Variants in LCP2 observed in about 807,000 individuals in gnomAD.
LCP2 encodes lymphocyte cytosolic protein 2.
Under a neutral mutation model 74.5 loss-of-function variants are expected in LCP2, and 29 were observed. That is an observed-to-expected ratio of 0.39 (90% CI 0.29 to 0.53). LCP2 has a LOEUF of 0.53. LCP2 is among the 20% of genes least tolerant of loss of function. The pLI, the probability that LCP2 is intolerant of heterozygous loss-of-function variation, is 0.72. For synonymous variants in LCP2, 228 were observed against 229.5 expected, an observed-to-expected ratio of 0.99 and a Z score of 0.06; for missense variants, 604 against 634.6, an observed-to-expected ratio of 0.95 and a Z score of 0.52.
intron 3 of LCP2, among the ~76,000 whole-genome samples, chr5:170,282,901 A>G (rs1327557582): frequency 6.6e-6 from 1 of 152,210 alleles, no homozygotes; most frequent in Admixed American, 6.5e-5. Context: ...CCCAAATAGT[A>G]GCACTTAAAA....
chr5:170,265,246 C>T (rs1051560058), intron 10 of LCP2, among the ~76,000 whole-genome samples: 4 of 152,214 alleles, frequency 2.6e-5, no homozygotes, highest in African/African-American at 9.6e-5. Flanking sequence ...CTCAGCCTCC[C>T]AAAGTGCTGG....
In LCP2 at chr5:170,270,182, G is replaced by A. The variant is rs2113179637; in HGVS notation, c.523+537C>T. ...CCTGGGCTCCCAGCAGATCAACAATGTTTGTTGAATGAATGGAGAGAGAAG... is the reference window on the plus strand; with the variant it reads ...CCTGGGCTCCCAGCAGATCAACAATATTTGTTGAATGAATGGAGAGAGAAG... On this transcript the variant is annotated intron_variant, in intron 7 of 20. Coordinates refer to ENST00000046794, the MANE Select transcript of LCP2 (RefSeq NM_005565.5). Among the ~76,000 whole-genome samples, 2 of 152,314 alleles carry A rather than the reference G, an allele frequency of 1.3e-5. 1 individual carries two copies. Among genetic ancestry groups the A allele is most frequent in the South Asian group, 4.1e-4 (2 of 4,820 alleles).
At chr5:170,263,545 CTTGTT>C (rs2113168480) in intron 10 of LCP2, among the ~76,000 whole-genome samples, 1 of 152,236 alleles carries the variant, frequency 6.6e-6, no homozygotes, top group South Asian at 2.1e-4. Flanking sequence ...TTTTTGTCTG[CTTGTT>C]TTTAGTTAGT....
rs2113186255 is a variant in LCP2, at chr5:170,273,876, A to G, written c.324+425T>C. The G allele has an allele frequency of 1.2e-5, 2 of 162,418 alleles. 1 individual carries two copies. Among genetic ancestry groups the G allele is most frequent in the Admixed American group, 1.2e-4 (2 of 16,512 alleles). The allele number at this position is 162,418 out of a possible 1,614,324, so 10.1% of individuals were successfully genotyped here. A position where few individuals can be genotyped will look rare whatever the true frequency, so the allele number is the denominator to read the frequency against. On this transcript the variant is annotated intron_variant, in intron 6 of 20. Transcript: ENST00000046794. The stretch of plus-strand genomic sequence containing the variant: ...CGATGGGGACTTAAGTCCATGAGAA[A>G]AGCTACTTGAGAGTAGATTTCTAGG...
At chr5:170,289,707 T>G (rs567657861) in intron 2 of LCP2, among the ~76,000 whole-genome samples, 4 of 145,134 alleles carry the variant, frequency 2.8e-5, no homozygotes, top group Non-Finnish European at 4.5e-5. Flanking sequence ...CTTTCCTTCT[T>G]TCTTTCTTTC....
At chr5:170,290,070 T>C (rs919777787) in intron 2 of LCP2, among the ~76,000 whole-genome samples, 1 of 152,118 alleles carries the variant, frequency 6.6e-6, no homozygotes, top group Non-Finnish European at 1.5e-5. Flanking sequence ...TGAGGAAAGA[T>C]GAGAGATGTT....
intron 3 of LCP2, among the ~76,000 whole-genome samples, chr5:170,277,211 G>A (rs1027000830): frequency 6.6e-6 from 1 of 151,142 alleles, no homozygotes; most frequent in African/African-American, 2.4e-5. Flanking sequence ...CCCTTTCAAC[G>A]CACACACCCC....
In LCP2 at chr5:170,258,078, G is replaced by A. The variant is rs371991489; in HGVS notation, c.1059C>T (p.Asn353=). Reference sequence around the variant, plus strand: ...CAGGCATGTGAGAGGATGGGAGAGGGTTCATGGGACTTGGCTTAGTAGATC... The same window carrying A: ...CAGGCATGTGAGAGGATGGGAGAGGATTCATGGGACTTGGCTTAGTAGATC... ...PSRSTKPSPM[N]PLPSSHMPGA... is the part of the protein sequence containing the mutation. Residue 353 remains asparagine, a synonymous_variant, in exon 16 of 21, where the codon AAC becomes AAT. Transcript: ENST00000046794. 1.2e-6 allele frequency: 2 copies of A among 1,613,922 alleles called. No individual in the cohort carries two copies. Among genetic ancestry groups the A allele is most frequent in the Non-Finnish European group, 1.7e-6 (2 of 1,179,790 alleles).
rs1004241062 is a variant in LCP2 at position 170,285,544 on chromosome 5, G to A, written c.188+2426C>T. Among the ~76,000 whole-genome samples the A allele has an allele frequency of 2.6e-4, 39 of 152,236 alleles. 1 individual carries two copies. The highest frequency in any genetic ancestry group is 9.1e-4 in the African/African-American group (38 of 41,540). ...CTTAGAAGCAGTTTGTTTCTTTTGG[G>A]TCTTGCTTTTAAGGTTTTCTAGCCA... On this transcript the variant is annotated intron_variant, in intron 3 of 20. Transcript: ENST00000046794.
chr5:170,278,929 GA>G (rs5873220), intron 3 of LCP2, among the ~76,000 whole-genome samples: 27,528 of 152,156 alleles, frequency 0.18, 4,020 homozygotes, highest in East Asian at 0.37. Flanking sequence ...AAGCCTGTGG[GA>G]CCACTGCCAG....
intron 2 of LCP2, among the ~76,000 whole-genome samples, chr5:170,292,687 G>T (rs1762311739): frequency 6.6e-6 from 1 of 152,188 alleles, no homozygotes; most frequent in Admixed American, 6.5e-5. Flanking sequence ...ATGGGCAAAG[G>T]TGTCATTTCA....
chr5:170,250,994 C>T, intron 19 of LCP2, 109 bp from the exon 20 acceptor site: 2 of 802,574 alleles, frequency 2.5e-6, no homozygotes. Flanking sequence ...GTCAGTTGCA[C>T]TTTGCAGCTT....
chr5:170,255,602 C>G (rs964743496), intron 17 of LCP2, among the ~76,000 whole-genome samples: 9 of 152,168 alleles, frequency 5.9e-5, no homozygotes, highest in African/African-American at 2.2e-4. Flanking sequence ...GTAACTTTCC[C>G]TAGTCATTTG....
chr5:170,249,630 C>A (rs1440298100), intron 20 of LCP2, among the ~76,000 whole-genome samples: 1 of 152,060 alleles, frequency 6.6e-6, no homozygotes, highest in Non-Finnish European at 1.5e-5. Context: ...CACAGGAGTT[C>A]CTTCATGATC....
Position 170,267,085 on chromosome 5 carries a change from G to C in LCP2, c.622-10C>G. 1 of 1,613,554 alleles carries C rather than the reference G, an allele frequency of 6.2e-7. No homozygotes were observed. Among genetic ancestry groups the C allele is most frequent in the Non-Finnish European group, 8.5e-7 (1 of 1,179,842 alleles). The stretch of plus-strand genomic sequence containing the variant: ...GGGGTGGGGGCAGTGGCTGCATAAA[G>C]ATCCAAACGTTAGGAAGCACTTCCA... On this transcript the variant is annotated splice_polypyrimidine_tract_variant and intron_variant, in intron 8 of 20. Transcript: ENST00000046794.
At chr5:170,248,891 A>C (rs950888876) in intron 20 of LCP2, 72 bp from the exon 21 acceptor site, 8 of 1,467,180 alleles carry the variant, frequency 5.5e-6, no homozygotes, top group Non-Finnish European at 7.6e-6. Context: ...CAGTTTTTTT[A>C]TCTGCATAAT....
rs1215531016 is a variant in LCP2, at chr5:170,262,681, G to A, written c.880C>T (p.His294Tyr). ...CCTGGCAGGGGGCTGCTCCTTTCAT[G>A]TCTTTCCGTGGTCGGTGGTAAAGGA... is the stretch of plus-strand genomic sequence containing the variant. ...KPPLPPTTER[H>Y]ERSSPLPGKK... Residue 294 changes from histidine to tyrosine, a missense_variant, in exon 13 of 21, where the codon CAT (histidine) becomes TAT (tyrosine). Physicochemically the swap from His to Tyr is moderately conservative, Grantham distance 83. Coordinates refer to ENST00000046794, the MANE Select transcript of LCP2 (RefSeq NM_005565.5). 1.9e-6 allele frequency: 3 copies of A among 1,613,876 alleles called. No individual in the cohort carries two copies. Among genetic ancestry groups the A allele is most frequent in the East Asian group, 2.2e-5 (1 of 44,896 alleles).
At position 170,274,300 on chromosome 5, in the gene LCP2, CAAAGGACGA is replaced by C; in HGVS notation, c.316_324del (p.Ser106_Phe108del). 1 of 1,613,208 alleles carries C rather than the reference CAAAGGACGA, an allele frequency of 6.2e-7. No individual in the cohort carries two copies. The highest frequency in any genetic ancestry group is 8.5e-7 in the Non-Finnish European group (1 of 1,179,620). On this transcript the variant is annotated inframe_deletion and splice_region_variant, in exon 6 of 21. Transcript: ENST00000046794. Reference sequence around the variant, plus strand: ...GCAAGAACAGCCCACACCATACTCACAAAGGACGACCAGCCCCCATTGTCCTCTTCGTGG... The same window carrying C: ...GCAAGAACAGCCCACACCATACTCACCCAGCCCCCATTGTCCTCTTCGTGG...
Position 170,270,732 on chromosome 5 carries a change from G to C in LCP2, c.510C>G (p.Asn170Lys). The change falls in exon 7 of 21, where the codon AAC (asparagine) becomes AAG (lysine). Residue 170 changes from asparagine (N) to lysine (K), a missense_variant. By Grantham distance (94) the Asn-to-Lys change is moderately conservative. Coordinates refer to ENST00000046794, the MANE Select transcript of LCP2 (RefSeq NM_005565.5). ...ACGGGCCCTTACCGATGTACATGGA[G>C]TTGGAGTTGGGGAAAGGCTTGGCAG... Reference protein sequence around the residue: ...ILPAKPFPNSNSMYIDRPPSG... With the variant: ...ILPAKPFPNSKSMYIDRPPSG... 6.3e-7 allele frequency: 1 copy of C among 1,587,480 alleles called. No individual in the cohort carries two copies. The highest frequency in any genetic ancestry group is 8.6e-7 in the Non-Finnish European group (1 of 1,168,500).
Sources: allele counts gnomAD v4.1 joint callset (sites outside exome capture counted in the v4.1 genomes callset), GRCh38; gene constraint gnomAD v4.1.1; transcripts MANE v1.5; gene names NCBI Gene and HGNC (gene_info 2026-07-23, HGNC 2026-07-21).